The following IGF2 variants were observed in gnomAD, a reference collection of about 807,000 sequenced individuals.
IGF2 encodes insulin-like growth factor 2.
A neutral mutation model predicts 12.0 loss-of-function variants in IGF2; 2 were observed. The observed-to-expected ratio is 0.17, with a 90% CI of 0.07 to 0.52. IGF2 has a LOEUF of 0.52. IGF2 is among the 20% of genes least tolerant of loss of function. The probability of loss-of-function intolerance (pLI) is 0.95; values close to 1 mark genes in which losing one functional copy is unlikely to be tolerated. For missense variants in IGF2, 211 were observed against 268.0 expected, an observed-to-expected ratio of 0.79 and a Z score of 1.48; for synonymous variants, 105 against 110.1, an observed-to-expected ratio of 0.95 and a Z score of 0.29.
intron 1 of IGF2, chr11:2,137,090 C>T (rs9282728): frequency 3.0e-4 from 85 of 287,446 alleles, no homozygotes; most frequent in African/African-American, 1.9e-3. Context: ...CTGGCGGCTG[C>T]AGGGCCCGAG....
At position 2,130,060 on chromosome 11, in the gene IGF2, T is replaced by C. The variant is rs1246268202; in HGVS notation, c.*2927A>G. 5 of 229,666 alleles carry C rather than the reference T, an allele frequency of 2.2e-5. No homozygotes were observed. Among genetic ancestry groups the C allele is most frequent in the East Asian group, 6.2e-5 (1 of 16,254 alleles). 14.2% of individuals were successfully genotyped at this position (229,666 alleles called of 1,614,324 possible). On this transcript the variant is annotated 3_prime_UTR_variant, in exon 4 of 4. Transcript: ENST00000416167. ...ACCTCCTGGAGACAAGGCAGGGTGC[T>C]GAGGGGCGGGCAAGATGTCACCGAG... is the stretch of plus-strand genomic sequence containing the variant.
At chr11:2,134,968 G>A (rs910250521) in intron 2 of IGF2, among the ~76,000 whole-genome samples, 2 of 152,210 alleles carry the variant, frequency 1.3e-5, no homozygotes, top group Non-Finnish European at 2.9e-5. Flanking sequence ...TTCACCGAAC[G>A]CACGTCCCTT....
At chr11:2,147,826 A>T in the IGF2 span, 1 of 1,243,182 alleles carries the variant, frequency 8.0e-7, no homozygotes. This position sits in a 1 kb window ranked among gnomAD's most constrained non-coding sequence, Gnocchi z 7.2. Context: ...AAACAAAAAG[A>T]TATTGCTGAG....
chr11:2,142,262 T>G (rs974438707), upstream of IGF2, among the ~76,000 whole-genome samples: 1 of 152,038 alleles, frequency 6.6e-6, no homozygotes, highest in African/African-American at 2.4e-5. This position sits in a 1 kb window ranked among gnomAD's most constrained non-coding sequence, Gnocchi z 5.7. Context: ...CAATTTGCTT[T>G]GGAAGGCTGG....
Position 2,133,464 on chromosome 11 carries a change from G to C in IGF2, c.306+53C>G. 6.5e-7 allele frequency: 1 copy of C among 1,541,728 alleles called. No homozygotes were observed. Among genetic ancestry groups the C allele is most frequent in the Non-Finnish European group, 8.7e-7 (1 of 1,144,808 alleles). On this transcript the variant is annotated intron_variant, in intron 3 of 3. Transcript: ENST00000416167. This position sits in a 1 kb window ranked among gnomAD's most constrained non-coding sequence, Gnocchi z 8.9. ...AGGCCACAGGAAACGCTGGGCGCCCGAAGCCCTATTTCTCTGTCTCTAGAG... is the reference window on the plus strand; with the variant it reads ...AGGCCACAGGAAACGCTGGGCGCCCCAAGCCCTATTTCTCTGTCTCTAGAG...
At position 2,129,298 on chromosome 11, in the gene IGF2, G is replaced by A. The variant is rs957402212; in HGVS notation, c.*3689C>T. ...CAGTGTTTGGCGTGGGGGTCTTCAG[G>A]TGATGGCAGAGGAGGGGACCCAAGA... On this transcript the variant is annotated 3_prime_UTR_variant, in exon 4 of 4. Coordinates refer to ENST00000416167, the MANE Select transcript of IGF2 (RefSeq NM_000612.6). This position sits in a 1 kb window ranked among gnomAD's most constrained non-coding sequence, Gnocchi z 8.1. 1 of 212,668 alleles carries A rather than the reference G, an allele frequency of 4.7e-6. No homozygotes were observed. The highest frequency in any genetic ancestry group is 9.5e-6 in the Non-Finnish European group (1 of 105,106). 13.2% of individuals were successfully genotyped at this position (212,668 alleles called of 1,614,324 possible).
chr11:2,137,951 A>C (rs1182603827), intron 1 of IGF2, among the ~76,000 whole-genome samples: 1 of 152,088 alleles, frequency 6.6e-6, no homozygotes, highest in African/African-American at 2.4e-5. Flanking sequence ...CCGACCGGGA[A>C]GTCGCCCCTG....
intron 2 of IGF2, among the ~76,000 whole-genome samples, chr11:2,135,114 CT>C (rs1402897914): frequency 6.6e-6 from 1 of 152,230 alleles, no homozygotes; most frequent in African/African-American, 2.4e-5. Flanking sequence ...AGGGAGACCC[CT>C]GTGAGTGCCC....
the IGF2 span, chr11:2,149,293 G>A: frequency 1.9e-5 from 30 of 1,613,466 alleles, no homozygotes; most frequent in South Asian, 9.9e-5. Context: ...TGGCTGTGGC[G>A]TCCAGACCCT....
intron 1 of IGF2, chr11:2,137,205 G>A: frequency 1.0e-6 from 1 of 992,104 alleles, no homozygotes; most frequent in Non-Finnish European, 1.2e-6. Context: ...TCAGCAGAAG[G>A]CTCGCTGGGG....
In IGF2 at chr11:2,138,561, A is replaced by AG. The variant is rs150408391; in HGVS notation, c.-340dup. On this transcript the variant is annotated 5_prime_UTR_variant, in exon 1 of 4. Coordinates refer to ENST00000416167, the MANE Select transcript of IGF2 (RefSeq NM_000612.6). ...GTGGGAGAGACAGAGTGAACGTGAA[A>AG]GGGGGGGGCCGAAGAGAGGGCGAGG... The AG allele has an allele frequency of 8.2e-4, 309 of 377,378 alleles. No homozygotes were observed. Among genetic ancestry groups the AG allele is most frequent in the Middle Eastern group, 7.2e-3 (5 of 690 alleles). 23.4% of individuals were successfully genotyped at this position (377,378 alleles called of 1,614,324 possible). A position where few individuals can be genotyped will look rare whatever the true frequency, so the allele number is the denominator to read the frequency against.
chr11:2,138,784 C>G lies in IGF2; in HGVS notation c.-562G>C. 1.1e-6 allele frequency: 1 copy of G among 926,854 alleles called. No individual in the cohort carries two copies. The allele number at this position is 926,854 out of a possible 1,614,324, so 57.4% of individuals were successfully genotyped here. A position where few individuals can be genotyped will look rare whatever the true frequency, so the allele number is the denominator to read the frequency against. On this transcript the variant is annotated 5_prime_UTR_variant, in exon 1 of 4. Transcript: ENST00000416167. The stretch of plus-strand genomic sequence containing the variant: ...AGGTTGCGGGAGAAAGAGCGGGGGC[C>G]GGGGCCAGACGCCAAGAGGGGCGCG...
intron 1 of IGF2, among the ~76,000 whole-genome samples, chr11:2,136,886 G>A (rs1006270787): frequency 6.6e-6 from 1 of 152,244 alleles, no homozygotes; most frequent in Non-Finnish European, 1.5e-5. Context: ...CGGGTCAGGG[G>A]ACCGGCAGAA....
chr11:2,132,040 G>C lies in IGF2; in HGVS notation c.*947C>G, dbSNP rs113064670. On this transcript the variant is annotated 3_prime_UTR_variant, in exon 4 of 4. Transcript: ENST00000416167. ...CATCTGTGTGCTGTGTGTGCTGTGCGTTTGTGTGTGTGCTGTGCTCGTGTG... is the reference window on the plus strand; with the variant it reads ...CATCTGTGTGCTGTGTGTGCTGTGCCTTTGTGTGTGTGCTGTGCTCGTGTG... 1 of 175,856 alleles carries C rather than the reference G, an allele frequency of 5.7e-6. No individual in the cohort carries two copies. Among genetic ancestry groups the C allele is most frequent in the Non-Finnish European group, 1.1e-5 (1 of 89,170 alleles). The allele number at this position is 175,856 out of a possible 1,614,324, so 10.9% of individuals were successfully genotyped here.
rs1859331733 is a variant in IGF2, at chr11:2,139,057, G to T, written c.-835C>A. 2 of 309,628 alleles carry T rather than the reference G, an allele frequency of 6.5e-6. No individual in the cohort carries two copies. Among genetic ancestry groups the T allele is most frequent in the African/African-American group, 3.2e-5 (1 of 31,012 alleles). 19.2% of individuals were successfully genotyped at this position (309,628 alleles called of 1,614,324 possible). ...GCGCGCCGGGGGGAGGGCTGGAGGG[G>T]GAGCGCGGGGGGGGGTGACAACGCC... On this transcript the variant is annotated 5_prime_UTR_variant, in exon 1 of 4. Coordinates refer to ENST00000416167, the MANE Select transcript of IGF2 (RefSeq NM_000612.6).
In IGF2 at chr11:2,134,371, G is replaced by A. The variant is rs557358105; in HGVS notation, c.158-706C>T. ...TCCCCTCCTCTCAGGAAAGCCTGGT[G>A]CAGGGAAGCTTCTCCCTGGGCAAGG... On this transcript the variant is annotated intron_variant, in intron 2 of 3. Transcript: ENST00000416167. Among the ~76,000 whole-genome samples, 11 of 152,350 alleles carry A rather than the reference G, an allele frequency of 7.2e-5. No homozygotes were observed. In the South Asian group the frequency reaches 1.7e-3, roughly 23 times the overall value.
rs1859282190 is a variant in IGF2 at position 2,138,619 on chromosome 11, A to G, written c.-397T>C. 1.0e-6 allele frequency: 1 copy of G among 981,146 alleles called. No homozygotes were observed. Among genetic ancestry groups the G allele is most frequent in the South Asian group, 4.8e-5 (1 of 21,004 alleles). 60.8% of individuals were successfully genotyped at this position (981,146 alleles called of 1,614,324 possible). On this transcript the variant is annotated 5_prime_UTR_variant, in exon 1 of 4. Coordinates refer to ENST00000416167, the MANE Select transcript of IGF2 (RefSeq NM_000612.6). ...AGGACAGCGAGAGGCGGGCAGGCGCACAGCGGGAGAGAACAGCACGGAGAG... is the reference window on the plus strand; with the variant it reads ...AGGACAGCGAGAGGCGGGCAGGCGCGCAGCGGGAGAGAACAGCACGGAGAG...
upstream of IGF2, among the ~76,000 whole-genome samples, chr11:2,144,942 T>C (rs897914551): frequency 1.3e-5 from 2 of 152,126 alleles, no homozygotes; most frequent in Non-Finnish European, 2.9e-5. Flanking sequence ...TTAATGGCCT[T>C]GGACAGGTGT....
chr11:2,134,252 G>A (rs775784989), intron 2 of IGF2: 9 of 432,718 alleles, frequency 2.1e-5, no homozygotes, highest in South Asian at 1.5e-4. Context: ...GGTCGCTGGG[G>A]GCTCCACCTT....
Sources: gnomAD v4.1 joint callset for allele counts (sites outside exome capture counted in the v4.1 genomes callset) on GRCh38, gnomAD v4.1.1 for gene constraint, Gnocchi (gnomAD v3.1) non-coding constraint, MANE v1.5 for transcripts, NCBI Gene and HGNC (gene_info 2026-07-23, HGNC 2026-07-21) for gene names.